The following ZSCAN23 variants were observed in gnomAD, a reference collection of about 807,000 sequenced individuals.
ZSCAN23 encodes the protein zinc finger and SCAN domain containing 23.
ZSCAN23 carries 19 observed loss-of-function variants against 19.3 expected under a neutral mutation model. The ratio of observed to expected loss-of-function variants is 0.99; its 90% CI spans 0.69 to 1.45. ZSCAN23 has a LOEUF of 1.45. ZSCAN23 is among the 40% of genes most tolerant of loss of function. The pLI is 0.00. For synonymous variants in ZSCAN23, 140 were observed against 166.2 expected (o/e 0.84, Z 1.21); for missense variants, 372 against 462.5 (o/e 0.80, Z 1.79).
chr6:28,428,266 A>G (rs192680285), downstream of ZSCAN23, among the ~76,000 whole-genome samples: 9 of 152,296 alleles, frequency 5.9e-5, no homozygotes, highest in East Asian at 1.5e-3. Flanking sequence ...TTTCACTTGT[A>G]TGTCTTACAA....
intron 1 of ZSCAN23, among the ~76,000 whole-genome samples, chr6:28,441,874 A>ATT (rs371867784): frequency 0.028 from 3,684 of 130,906 alleles, 172 homozygotes; most frequent in East Asian, 0.22. Context: ...CTGGTTGTTA[A>ATT]TTTTTTTTTT....
downstream of ZSCAN23, among the ~76,000 whole-genome samples, chr6:28,430,218 C>A (rs1007364019): frequency 2.6e-5 from 4 of 152,134 alleles, no homozygotes. Context: ...CCTCTATCCT[C>A]AGGGAGATTC....
Position 28,435,069 on chromosome 6 carries a change from G to GTTATT in ZSCAN23, c.565_566insAATAA (p.Ala189GlufsTer2). 1 of 1,529,786 alleles carries GTTATT rather than the reference G, an allele frequency of 6.5e-7. No individual in the cohort carries two copies. Among genetic ancestry groups the GTTATT allele is most frequent in the East Asian group, 2.5e-5 (1 of 40,610 alleles). The allele number at this position is 1,529,786 out of a possible 1,614,324, so 94.8% of individuals were successfully genotyped here. A position where few individuals can be genotyped will look rare whatever the true frequency, so the allele number is the denominator to read the frequency against. On this transcript the variant is annotated stop_gained and frameshift_variant, in exon 4 of 4. Coordinates refer to ENST00000289788, the MANE Select transcript of ZSCAN23 (RefSeq NM_001012455.2). LOFTEE classifies it low-confidence loss of function (END_TRUNC). The stretch of plus-strand genomic sequence containing the variant: ...GGCTAACTCCACATTCCAAGTCCCA[G>GTTATT]CCTTGCCATCTAAAATAACGATAAC...
intron 1 of ZSCAN23, among the ~76,000 whole-genome samples, chr6:28,439,090 T>C (rs766276579): frequency 6.6e-6 from 1 of 151,936 alleles, no homozygotes; most frequent in Non-Finnish European, 1.5e-5. Context: ...TGCAAATTCA[T>C]GTTTTCCCCC....
intron 1 of ZSCAN23, among the ~76,000 whole-genome samples, chr6:28,437,199 G>A (rs185711434): frequency 1.2e-4 from 19 of 152,254 alleles, no homozygotes; most frequent in Non-Finnish European, 2.2e-4. Flanking sequence ...CTAAAATGAC[G>A]GAAATATTGG....
Position 28,436,369 on chromosome 6 carries a change from A to T in ZSCAN23, c.-77-26T>A, listed in dbSNP as rs1025484976. ...CTAGACAATAATTTACGAAGAAAAA[A>T]ATATAAAAATGCAGAAAACCTCAGG... On this transcript the variant is annotated intron_variant, in intron 1 of 3. Transcript: ENST00000289788. 3 of 1,261,098 alleles carry T rather than the reference A, an allele frequency of 2.4e-6. No homozygotes were observed. In the Admixed American group the frequency reaches 8.7e-5, roughly 37 times the overall value. 78.1% of individuals were successfully genotyped at this position (1,261,098 alleles called of 1,614,324 possible). A position where few individuals can be genotyped will look rare whatever the true frequency, so the allele number is the denominator to read the frequency against.
Position 28,439,100 on chromosome 6 carries a change from C to G in ZSCAN23, c.-77-2757G>C, listed in dbSNP as rs6917449. On this transcript the variant is annotated intron_variant, in intron 1 of 3. Coordinates refer to ENST00000289788, the MANE Select transcript of ZSCAN23 (RefSeq NM_001012455.2). ...GAATCTGCAAATTCATGTTTTCCCC[C>G]ACTTTTTTTTTTTTTGAGACGGAAT... Among the ~76,000 whole-genome samples the G allele has an allele frequency of 4.1e-3, 622 of 151,778 alleles. 6 individuals are homozygous for G. The highest frequency in any genetic ancestry group is 0.013 in the African/African-American group (554 of 41,374).
chr6:28,435,651 A>G (rs1242010127), intron 2 of ZSCAN23, 44 bp from the exon 3 acceptor site: 3 of 1,527,610 alleles, frequency 2.0e-6, no homozygotes, highest in Non-Finnish European at 2.6e-6. Flanking sequence ...ATCAGAGAGA[A>G]CATGGCAAGG....
At chr6:28,437,705 G>A (rs1761921817) in intron 1 of ZSCAN23, among the ~76,000 whole-genome samples, 1 of 152,078 alleles carries the variant, frequency 6.6e-6, no homozygotes, top group African/African-American at 2.4e-5. Context: ...CACCATCTTC[G>A]AGTAGAGACT....
the ZSCAN23 span, among the ~76,000 whole-genome samples, chr6:28,426,536 A>G: frequency 1.3e-5 from 2 of 150,286 alleles, no homozygotes; most frequent in African/African-American, 2.5e-5. Context: ...AATTACATCA[A>G]AGATCACTGA....
At chr6:28,435,831 A>G in intron 2 of ZSCAN23, 28 bp downstream of exon 2, 1 of 1,539,082 alleles carries the variant, frequency 6.5e-7, no homozygotes, top group African/African-American at 1.4e-5. Context: ...TCTTATAGGT[A>G]CAAATCCCTG....
the ZSCAN23 span, among the ~76,000 whole-genome samples, chr6:28,425,651 T>C: frequency 2.0e-5 from 3 of 152,164 alleles, no homozygotes; most frequent in Admixed American, 6.5e-5. Context: ...ATTTTCAGCT[T>C]AGTAAATGAG....
At position 28,434,923 on chromosome 6, in the gene ZSCAN23, T is replaced by A. The variant is rs1761846826; in HGVS notation, c.712A>T (p.Lys238Ter). The change falls in exon 4 of 4, where the codon AAG becomes TAG. Residue 238 changes from lysine to a stop codon, truncating the protein, a stop_gained. Coordinates refer to ENST00000289788, the MANE Select transcript of ZSCAN23 (RefSeq NM_001012455.2). LOFTEE classifies it low-confidence loss of function (END_TRUNC). Reference protein sequence around the residue: ...DTCDREGRLEKQRVSSSVERP... With the variant: ...DTCDREGRLE Reference sequence around the variant, plus strand: ...TCCACTGAAGAGCTCACCCTTTGCTTTTCCAATCTGCCCTCACGGTCACAG... The same window carrying A: ...TCCACTGAAGAGCTCACCCTTTGCTATTCCAATCTGCCCTCACGGTCACAG... The A allele has an allele frequency of 6.4e-7, 1 of 1,552,158 alleles. No homozygotes were observed. The highest frequency in any genetic ancestry group is 8.7e-7 in the Non-Finnish European group (1 of 1,147,264).
In ZSCAN23 at chr6:28,434,759, T is replaced by C. The variant is rs1484589365; in HGVS notation, c.876A>G (p.Leu292=). 2.5e-6 allele frequency: 4 copies of C among 1,602,660 alleles called. No homozygotes were observed. The highest frequency in any genetic ancestry group is 1.3e-5 in the African/African-American group (1 of 74,658). ...CAGTGTGGAGTCTCTGGTGCTGGAATAGGCCTGACCTCTGGCTGAAGGCCC... is the reference window on the plus strand; with the variant it reads ...CAGTGTGGAGTCTCTGGTGCTGGAACAGGCCTGACCTCTGGCTGAAGGCCC... The part of the protein sequence containing the change: ...CGRAFSQRSG[L]FQHQRLHTGE... The change falls in exon 4 of 4, where the codon CTA becomes CTG. Residue 292 remains leucine (L), a synonymous_variant. Transcript: ENST00000289788.
the ZSCAN23 span, among the ~76,000 whole-genome samples, chr6:28,424,676 A>T: frequency 6.6e-6 from 1 of 152,328 alleles, no homozygotes. Flanking sequence ...CTCATCCATA[A>T]GAAGCAACTT....
intron 1 of ZSCAN23, among the ~76,000 whole-genome samples, chr6:28,441,785 G>C (rs1049918326): frequency 6.6e-6 from 1 of 151,438 alleles, no homozygotes; most frequent in Admixed American, 6.6e-5. Flanking sequence ...TGCACACATA[G>C]AGTTGATATA....
chr6:28,429,098 A>G (rs1213649512), downstream of ZSCAN23, among the ~76,000 whole-genome samples: 2 of 152,096 alleles, frequency 1.3e-5, no homozygotes, highest in African/African-American at 2.4e-5. Context: ...CCTCTTTGCT[A>G]TCCAACTTCT....
chr6:28,424,892 G>A, the ZSCAN23 span, among the ~76,000 whole-genome samples: 1 of 152,278 alleles, frequency 6.6e-6, no homozygotes, highest in Non-Finnish European at 1.5e-5. Flanking sequence ...CTCCTCCCAT[G>A]AATCACAAAT....
chr6:28,435,191 C>G lies in ZSCAN23; in HGVS notation c.557-113G>C, dbSNP rs922710879. Reference sequence around the variant, plus strand: ...AGAATGGGTGGAAGGGGACAAGTAGCCACTTTTTCTGTTTATTTTTCCACT... The same window carrying G: ...AGAATGGGTGGAAGGGGACAAGTAGGCACTTTTTCTGTTTATTTTTCCACT... On this transcript the variant is annotated intron_variant, in intron 3 of 3. Coordinates refer to ENST00000289788, the MANE Select transcript of ZSCAN23 (RefSeq NM_001012455.2). 41 of 1,254,056 alleles carry G rather than the reference C, an allele frequency of 3.3e-5. No individual in the cohort carries two copies. The South Asian group carries it at 6.4e-4, about 20-fold the overall frequency. 77.7% of individuals were successfully genotyped at this position (1,254,056 alleles called of 1,614,324 possible).
Sources: allele counts gnomAD v4.1 joint callset (sites outside exome capture counted in the v4.1 genomes callset), GRCh38; gene constraint gnomAD v4.1.1; transcripts MANE v1.5; gene names NCBI Gene and HGNC (gene_info 2026-07-23, HGNC 2026-07-21).